Variants in NELL1 observed in about 807,000 individuals in gnomAD.
NELL1 encodes neural EGFL like 1.
NELL1 carries 76 observed loss-of-function variants against 107.4 expected under a neutral mutation model. That is an observed-to-expected ratio of 0.71 (90% CI 0.59 to 0.86). The LOEUF (loss-of-function observed/expected upper bound fraction) is 0.86. Ranked by LOEUF, NELL1 falls within the 40% of genes least tolerant of loss-of-function variation. The pLI is 0.00. For missense variants in NELL1, 1,024 were observed against 1,005.5 expected (o/e 1.02, Z -0.25); for synonymous variants, 353 against 341.2 (o/e 1.03, Z -0.38).
At chr11:21,094,791 G>A (rs1174926604) in intron 12 of NELL1, among the ~76,000 whole-genome samples, 1 of 152,148 alleles carries the variant, frequency 6.6e-6, no homozygotes, top group African/African-American at 2.4e-5. Context: ...CGAAGACCCT[G>A]GGCCTGGCCC....
chr11:21,031,770 C>G (rs114367321), intron 12 of NELL1, among the ~76,000 whole-genome samples: 1 of 151,728 alleles, frequency 6.6e-6, no homozygotes, highest in African/African-American at 2.4e-5. Context: ...AAAATTGGGC[C>G]GGGCATGGTG....
intron 12 of NELL1, among the ~76,000 whole-genome samples, chr11:21,063,833 A>C (rs2134366798): frequency 6.6e-6 from 1 of 152,354 alleles, no homozygotes; most frequent in Admixed American, 6.5e-5. Flanking sequence ...AACAATAAAC[A>C]AACTAACTAA....
intron 11 of NELL1, among the ~76,000 whole-genome samples, chr11:20,949,175 C>A (rs969611073): frequency 6.6e-6 from 1 of 152,210 alleles, no homozygotes; most frequent in Admixed American, 6.5e-5. Context: ...GTTGACCCCT[C>A]CCTTAGCACC....
In NELL1 at chr11:21,558,664, G is replaced by A. The variant is rs1198432875; in HGVS notation, c.1787-1525G>A. On this transcript the variant is annotated intron_variant, in intron 16 of 19. Transcript: ENST00000357134. ...TTTTTGGAAGACCATACATTGAGTG[G>A]GTATAGTGTATATAGAAGATAAATG... is the stretch of plus-strand genomic sequence containing the variant. Among the ~76,000 whole-genome samples the A allele has an allele frequency of 2.6e-5, 4 of 151,746 alleles. No individual in the cohort carries two copies. The East Asian group carries it at 5.8e-4, about 22-fold the overall frequency.
chr11:20,751,969 A>G (rs969826482), intron 2 of NELL1, among the ~76,000 whole-genome samples: 4 of 151,960 alleles, frequency 2.6e-5, no homozygotes, highest in Non-Finnish European at 4.4e-5. Context: ...TTCTTTTTTA[A>G]TGTGGCAGAT....
At chr11:21,238,371 T>G (rs1858263633) in intron 14 of NELL1, among the ~76,000 whole-genome samples, 1 of 152,064 alleles carries the variant, frequency 6.6e-6, no homozygotes, top group Admixed American at 6.6e-5. Context: ...GGCTGTGGAT[T>G]TGATGGTGCA....
At chr11:21,486,604 A>T (rs775017187) in intron 15 of NELL1, among the ~76,000 whole-genome samples, 13 of 152,182 alleles carry the variant, frequency 8.5e-5, no homozygotes, top group Admixed American at 5.2e-4. Context: ...GAGACACAGT[A>T]ATTCTCTGGC....
chr11:21,024,597 G>C (rs993709268), intron 12 of NELL1, among the ~76,000 whole-genome samples: 1 of 152,124 alleles, frequency 6.6e-6, no homozygotes, highest in Non-Finnish European at 1.5e-5. Context: ...GGCATAGTAA[G>C]AGCTCAGTGA....
intron 13 of NELL1, among the ~76,000 whole-genome samples, chr11:21,217,790 G>A (rs1446165292): frequency 2.0e-5 from 3 of 152,122 alleles, no homozygotes; most frequent in Non-Finnish European, 4.4e-5. Flanking sequence ...ACCCCCAAAC[G>A]TGGGGCATTT....
chr11:20,746,609 T>G (rs199665145), intron 2 of NELL1, among the ~76,000 whole-genome samples: 1 of 142,762 alleles, frequency 7.0e-6, no homozygotes, highest in African/African-American at 2.7e-5. Flanking sequence ...CACACACACG[T>G]GGAATTGAAC....
intron 15 of NELL1, among the ~76,000 whole-genome samples, chr11:21,521,602 A>C (rs912813195): frequency 2.6e-5 from 4 of 152,106 alleles, no homozygotes; most frequent in African/African-American, 9.7e-5. Flanking sequence ...TTCTTTTATT[A>C]TCATTTCATG....
chr11:21,049,368 G>A (rs1470315712), intron 12 of NELL1, among the ~76,000 whole-genome samples: 4 of 152,114 alleles, frequency 2.6e-5, no homozygotes, highest in African/African-American at 7.2e-5. Context: ...CCTTTTCAAC[G>A]TGCTTTTGAT....
At position 21,532,381 on chromosome 11, in the gene NELL1, A is replaced by G. The variant is rs77991117; in HGVS notation, c.1646-1993A>G. 3.6e-3 allele frequency among the ~76,000 whole-genome samples: 549 copies of G among 152,350 alleles called. 2 individuals are homozygous for G. The highest frequency in any genetic ancestry group is 0.012 in the African/African-American group (511 of 41,598). ...AAAAAGTATTTGCACATCATTCAAC[A>G]CTTCTGTTCTTCCTAGAAATGTTCT... On this transcript the variant is annotated intron_variant, in intron 15 of 19. Transcript: ENST00000357134.
At chr11:21,336,472 T>G (rs1393594646) in intron 14 of NELL1, among the ~76,000 whole-genome samples, 1 of 151,894 alleles carries the variant, frequency 6.6e-6, no homozygotes, top group Admixed American at 6.6e-5. Flanking sequence ...TCCACTTTGC[T>G]TTCCAGTCTA....
chr11:20,768,820 G>A (rs1012604018), intron 2 of NELL1, among the ~76,000 whole-genome samples: 4 of 152,132 alleles, frequency 2.6e-5, no homozygotes, highest in African/African-American at 9.7e-5. Flanking sequence ...GAGGGAGTAT[G>A]GCCGTGCCCC....
chr11:21,201,767 C>T (rs867650836), intron 13 of NELL1, among the ~76,000 whole-genome samples: 2 of 152,162 alleles, frequency 1.3e-5, no homozygotes, highest in Non-Finnish European at 2.9e-5. Flanking sequence ...GTAGGTTTGT[C>T]ATAAATAGCT....
chr11:21,459,524 G>A (rs1010288678), intron 15 of NELL1, among the ~76,000 whole-genome samples: 1 of 151,946 alleles, frequency 6.6e-6, no homozygotes, highest in Non-Finnish European at 1.5e-5. Context: ...TGGGTCAGGG[G>A]CATAGTGAGA....
chr11:21,335,705 GCA>G (rs1850375247), intron 14 of NELL1, among the ~76,000 whole-genome samples: 1 of 151,496 alleles, frequency 6.6e-6, no homozygotes, highest in Non-Finnish European at 1.5e-5. Flanking sequence ...CTCTAAAAAC[GCA>G]AATCCATTTG....
At chr11:21,212,035 A>C (rs1424276135) in intron 13 of NELL1, among the ~76,000 whole-genome samples, 1 of 152,132 alleles carries the variant, frequency 6.6e-6, no homozygotes, top group South Asian at 2.1e-4. Context: ...CATGTTGGCC[A>C]GGCTGGTCTC....
Sources: allele counts gnomAD v4.1 joint callset (sites outside exome capture counted in the v4.1 genomes callset), GRCh38; gene constraint gnomAD v4.1.1; transcripts MANE v1.5; gene names NCBI Gene and HGNC (gene_info 2026-07-23, HGNC 2026-07-21).